AKR1C3: variants seen among roughly 807,000 people sequenced by gnomAD.
AKR1C3 encodes the protein 3-alpha hydroxysteroid dehydrogenase, type II.
A neutral mutation model predicts 43.6 loss-of-function variants in AKR1C3; 48 were observed. That is an observed-to-expected ratio of 1.10 (90% CI 0.87 to 1.40). The LOEUF (loss-of-function observed/expected upper bound fraction) is 1.40. AKR1C3 is among the 40% of genes most tolerant of loss of function. The pLI is 0.00. For missense variants in AKR1C3, 482 were observed against 391.2 expected (o/e 1.23, Z -1.96); for synonymous variants, 162 against 139.6 (o/e 1.16, Z -1.13).
chr10:5,052,476 G>A (rs1838173020), intron 1 of AKR1C3, among the ~76,000 whole-genome samples: 2 of 147,764 alleles, frequency 1.4e-5, no homozygotes, highest in African/African-American at 5.4e-5. Flanking sequence ...GAGCTGATTG[G>A]TCTGTTTTAC....
At chr10:5,058,863 G>A (rs1387726733) in intron 1 of AKR1C3, among the ~76,000 whole-genome samples, 2 of 152,086 alleles carry the variant, frequency 1.3e-5, no homozygotes, top group Non-Finnish European at 2.9e-5. Flanking sequence ...AGATTTAGTG[G>A]CCCTTACCGA....
rs1838217911 is a variant in AKR1C3, at chr10:5,054,469, A to G, written c.84+5574A>G. Among the ~76,000 whole-genome samples the G allele has an allele frequency of 1.3e-5, 2 of 152,140 alleles. 1 individual carries two copies. The highest frequency in any genetic ancestry group is 4.2e-4 in the South Asian group (2 of 4,812). On this transcript the variant is annotated intron_variant, in intron 1 of 8. Coordinates refer to the AKR1C3 transcript ENST00000439082. The stretch of plus-strand genomic sequence containing the variant: ...AATGTTAATGTTGGGATTTAGAAAG[A>G]CTAAGGTGCAGGTGCCTGTCCAGTT...
At chr10:5,059,606 C>T (rs1232556341) in intron 1 of AKR1C3, among the ~76,000 whole-genome samples, 3 of 152,148 alleles carry the variant, frequency 2.0e-5, no homozygotes, top group African/African-American at 4.8e-5. Context: ...GCCTGACACC[C>T]GTGTCTTTAG....
upstream of AKR1C3, among the ~76,000 whole-genome samples, chr10:5,092,259 T>G (rs1388499336): frequency 6.6e-6 from 1 of 152,076 alleles, no homozygotes. Context: ...TTTTAATGTA[T>G]GTGGGCCTTG....
chr10:5,103,991 C>CAT (rs1278476167), intron 7 of AKR1C3, among the ~76,000 whole-genome samples: 6 of 151,836 alleles, frequency 4.0e-5, no homozygotes, highest in African/African-American at 9.7e-5. Flanking sequence ...CACATACATA[C>CAT]ATATATATAT....
At chr10:5,081,920 G>A (rs1554782391) in intron 1 of AKR1C3, 1 of 152,208 alleles carries the variant, frequency 6.6e-6, no homozygotes, top group African/African-American at 2.4e-5. Context: ...TTCTGTCAGT[G>A]TTTTTTCTAA....
chr10:5,092,483 C>CTTTTTTT (rs35143522), upstream of AKR1C3, among the ~76,000 whole-genome samples: 1 of 134,368 alleles, frequency 7.4e-6, no homozygotes, highest in South Asian at 2.4e-4. Flanking sequence ...TCTCTTTACT[C>CTTTTTTT]TTTTTTTTTT....
At chr10:5,075,852 C>G (rs1411516233) in intron 1 of AKR1C3, among the ~76,000 whole-genome samples, 1 of 146,520 alleles carries the variant, frequency 6.8e-6, no homozygotes, top group Non-Finnish European at 1.5e-5. Flanking sequence ...CTAGCCTGGG[C>G]AATAAGAGCA....
At chr10:5,053,739 A>T (rs1554779242) in intron 1 of AKR1C3, among the ~76,000 whole-genome samples, 1 of 152,152 alleles carries the variant, frequency 6.6e-6, no homozygotes, top group Non-Finnish European at 1.5e-5. Flanking sequence ...TTGCTGCTGG[A>T]TAGGGGTAAT....
intron 1 of AKR1C3, among the ~76,000 whole-genome samples, chr10:5,068,193 G>A (rs1250191234): frequency 1.3e-5 from 2 of 151,876 alleles, no homozygotes; most frequent in African/African-American, 4.8e-5. Context: ...ATAGTTGATG[G>A]CATATAATTA....
intron 1 of AKR1C3, among the ~76,000 whole-genome samples, chr10:5,071,066 C>G (rs533607529): frequency 6.6e-6 from 1 of 152,242 alleles, no homozygotes; most frequent in African/African-American, 2.4e-5. Context: ...CTTTTTGTTG[C>G]CTCACAATGG....
chr10:5,101,753 C>T (rs1554786033), intron 5 of AKR1C3, among the ~76,000 whole-genome samples: 1 of 152,122 alleles, frequency 6.6e-6, no homozygotes, highest in Non-Finnish European at 1.5e-5. Flanking sequence ...ACTCACGAGT[C>T]CTTGACCAAA....
At position 5,102,556 on chromosome 10, in the gene AKR1C3, C is replaced by A; in HGVS notation, c.752C>A (p.Thr251Asn). The A allele has an allele frequency of 6.4e-7, 1 of 1,571,078 alleles. No individual in the cohort carries two copies. Residue 251 changes from threonine to asparagine, a missense_variant, in exon 7 of 9, where the codon ACC becomes AAC. By Grantham distance (65) the Thr-to-Asn change is moderately conservative. Coordinates refer to ENST00000380554, the MANE Select transcript of AKR1C3 (RefSeq NM_003739.6). Reference sequence around the variant, plus strand: ...GCCTTGGCAAAAAAGCACAAGCGAACCCCAGCCCTGATTGCCCTGCGCTAC... The same window carrying A: ...GCCTTGGCAAAAAAGCACAAGCGAAACCCAGCCCTGATTGCCCTGCGCTAC... ...LCALAKKHKR[T>N]PALIALRYQL...
intron 8 of AKR1C3, 27 bp downstream of exon 8, chr10:5,105,704 C>T (rs782007264): frequency 2.6e-6 from 4 of 1,565,168 alleles, no homozygotes; most frequent in Admixed American, 3.4e-5. Flanking sequence ...AATGGGTGAT[C>T]TAATTTATTT....
At chr10:5,098,527 C>A (rs145698618) in intron 3 of AKR1C3, among the ~76,000 whole-genome samples, 1 of 152,090 alleles carries the variant, frequency 6.6e-6, no homozygotes, top group Non-Finnish European at 1.5e-5. Flanking sequence ...ATTATAAGGG[C>A]GGAATAAAGT....
chr10:5,102,947 T>TG (rs34365063), intron 7 of AKR1C3, among the ~76,000 whole-genome samples: 916 of 75,004 alleles, frequency 0.012, 4 homozygotes, highest in Non-Finnish European at 0.026. Flanking sequence ...TTGGTTTTGG[T>TG]TTTTTTTTTT....
At chr10:5,057,252 G>T (rs1554779695) in intron 1 of AKR1C3, among the ~76,000 whole-genome samples, 1 of 152,136 alleles carries the variant, frequency 6.6e-6, no homozygotes, top group African/African-American at 2.4e-5. Flanking sequence ...CCAGGTGATG[G>T]GCCTGCTCCA....
rs71391987 is a variant in AKR1C3 at position 5,063,765 on chromosome 10, CAA to C, written c.84+14893_84+14894del. Reference sequence around the variant, plus strand: ...AGGACAGAGGTAGTCTCTGTCTCAGCAAAAAAAAAAAAAAAAAAAAAAAAGGA... The same window carrying C: ...AGGACAGAGGTAGTCTCTGTCTCAGCAAAAAAAAAAAAAAAAAAAAAAGGA... On this transcript the variant is annotated intron_variant, in intron 1 of 8. Coordinates refer to the AKR1C3 transcript ENST00000439082. Among the ~76,000 whole-genome samples the C allele has an allele frequency of 2.2e-3, 102 of 46,428 alleles. 1 individual carries two copies. The highest frequency in any genetic ancestry group is 5.4e-3 in the African/African-American group (65 of 11,990). The allele number at this position is 46,428 out of a possible 152,430, so 30.5% of individuals were successfully genotyped here. A position where few individuals can be genotyped will look rare whatever the true frequency, so the allele number is the denominator to read the frequency against.
intron 1 of AKR1C3, among the ~76,000 whole-genome samples, chr10:5,067,627 T>C (rs369924096): frequency 6.6e-5 from 10 of 152,176 alleles, no homozygotes; most frequent in African/African-American, 2.4e-4. Flanking sequence ...AAAACATGCA[T>C]TGAAAATAAC....
Sources: gnomAD v4.1 joint callset for allele counts (sites outside exome capture counted in the v4.1 genomes callset) on GRCh38, gnomAD v4.1.1 for gene constraint, MANE v1.5 for transcripts, NCBI Gene and HGNC (gene_info 2026-07-23, HGNC 2026-07-21) for gene names.